RTKN2: variants seen among roughly 807,000 people sequenced by gnomAD.
RTKN2 encodes the protein rhotekin-2.
RTKN2 carries 69 observed loss-of-function variants against 71.5 expected under a neutral mutation model. That is an observed-to-expected ratio of 0.96 (90% CI 0.79 to 1.18). The LOEUF (loss-of-function observed/expected upper bound fraction) is 1.18, where lower values mean the gene tolerates loss of function less well. Ranked by LOEUF, RTKN2 falls within the 50% of genes most tolerant of loss-of-function variation. RTKN2 has a pLI of 0.00. For synonymous variants in RTKN2, 236 were observed against 236.5 expected (o/e 1.00, Z 0.02); for missense variants, 724 against 719.7 (o/e 1.01, Z -0.07).
At chr10:62,206,269 G>A (rs1841547315) in intron 9 of RTKN2, among the ~76,000 whole-genome samples, 1 of 152,058 alleles carries the variant, frequency 6.6e-6, no homozygotes, top group Admixed American at 6.6e-5. Context: ...TATTTTGGCT[G>A]GTAGTAATAA....
chr10:62,231,617 A>G (rs914161905), intron 6 of RTKN2, among the ~76,000 whole-genome samples: 2 of 152,164 alleles, frequency 1.3e-5, no homozygotes, highest in African/African-American at 4.8e-5. Flanking sequence ...CCAAAAGTTT[A>G]ATCAGCTACA....
At position 62,244,055 on chromosome 10, in the gene RTKN2, G is replaced by A. The variant is rs1045372667; in HGVS notation, c.316+1944C>T. Among the ~76,000 whole-genome samples, 4 of 152,302 alleles carry A rather than the reference G, an allele frequency of 2.6e-5. No homozygotes were observed. In the South Asian group the frequency reaches 6.2e-4, roughly 24 times the overall value. On this transcript the variant is annotated intron_variant, in intron 3 of 11. Coordinates refer to ENST00000373789, the MANE Select transcript of RTKN2 (RefSeq NM_145307.4). ...CATAAAGACCTGGCCAGGGAGTGAT[G>A]TAGCTGGAAACAGAAAACCCAGGTA...
At chr10:62,202,254 C>T (rs1339066974) in intron 10 of RTKN2, among the ~76,000 whole-genome samples, 9 of 152,134 alleles carry the variant, frequency 5.9e-5, no homozygotes, top group Non-Finnish European at 1.3e-4. Context: ...CTGGGCTAAA[C>T]AGATCTACTT....
chr10:62,202,171 G>A (rs1408242439), intron 10 of RTKN2, among the ~76,000 whole-genome samples: 1 of 151,998 alleles, frequency 6.6e-6, no homozygotes, highest in Non-Finnish European at 1.5e-5. Flanking sequence ...TTACATGACT[G>A]TTAACTCACA....
intron 3 of RTKN2, among the ~76,000 whole-genome samples, chr10:62,244,354 A>T (rs1842437999): frequency 6.6e-6 from 1 of 152,212 alleles, no homozygotes; most frequent in Non-Finnish European, 1.5e-5. Context: ...ATGCAGAAAT[A>T]AGTTCAATTT....
chr10:62,245,701 C>T (rs1842465424), intron 3 of RTKN2, among the ~76,000 whole-genome samples: 1 of 152,090 alleles, frequency 6.6e-6, no homozygotes, highest in Non-Finnish European at 1.5e-5. Context: ...TTGGGTTTGG[C>T]CTAGCTCAGT....
At chr10:62,243,186 A>G (rs1343251557) in intron 3 of RTKN2, among the ~76,000 whole-genome samples, 1 of 127,042 alleles carries the variant, frequency 7.9e-6, no homozygotes, top group Non-Finnish European at 1.6e-5. Flanking sequence ...TCCTGTGTCC[A>G]TGTGTTCTCA....
intron 10 of RTKN2, among the ~76,000 whole-genome samples, chr10:62,201,698 T>A (rs1031175979): frequency 3.9e-5 from 6 of 152,186 alleles, no homozygotes; most frequent in Admixed American, 6.5e-5. Flanking sequence ...TGAAAGCATT[T>A]CATTGTTAAA....
At position 62,262,641 on chromosome 10, in the gene RTKN2, T is replaced by C; in HGVS notation, c.241A>G (p.Asn81Asp). 1 of 1,605,670 alleles carries C rather than the reference T, an allele frequency of 6.2e-7. No homozygotes were observed. Among genetic ancestry groups the C allele is most frequent in the Non-Finnish European group, 8.5e-7 (1 of 1,175,054 alleles). Reference protein sequence around the residue: ...ELQKLEEQIANQTGRCDVKFE... With the variant: ...ELQKLEEQIADQTGRCDVKFE... Reference sequence around the variant, plus strand: ...GTTACTAACCATCTTCCAGTCTGATTTGCAATCTGTTCTTCTAATTTCTGT... The same window carrying C: ...GTTACTAACCATCTTCCAGTCTGATCTGCAATCTGTTCTTCTAATTTCTGT... The change falls in exon 2 of 12, where the codon AAT (asparagine) becomes GAT (aspartate). Residue 81 changes from asparagine (N) to aspartate (D), a missense_variant. Asn to Asp is a conservative substitution (Grantham distance 23, BLOSUM62 1). Coordinates refer to ENST00000373789, the MANE Select transcript of RTKN2 (RefSeq NM_145307.4).
At chr10:62,236,726 T>A (rs1409100303) in intron 5 of RTKN2, among the ~76,000 whole-genome samples, 1 of 151,708 alleles carries the variant, frequency 6.6e-6, no homozygotes, top group East Asian at 1.9e-4. Flanking sequence ...CCATCAATGG[T>A]AAAACAGATA....
chr10:62,197,540 G>A lies in RTKN2; in HGVS notation c.*368C>T. On this transcript the variant is annotated 3_prime_UTR_variant, in exon 12 of 12. Coordinates refer to ENST00000373789, the MANE Select transcript of RTKN2 (RefSeq NM_145307.4). ...TTAAAATTCTCACAATGAGAATATG[G>A]TTCATATTTAACACATTTTAAATTA... is the stretch of plus-strand genomic sequence containing the variant. The A allele has an allele frequency of 1.0e-6, 1 of 999,022 alleles. No homozygotes were observed. The highest frequency in any genetic ancestry group is 1.2e-6 in the Non-Finnish European group (1 of 837,736). The allele number at this position is 999,022 out of a possible 1,614,324, so 61.9% of individuals were successfully genotyped here.
intron 8 of RTKN2, among the ~76,000 whole-genome samples, 173 bp downstream of exon 8, chr10:62,218,022 T>C (rs1262001662): frequency 6.6e-6 from 1 of 152,082 alleles, no homozygotes; most frequent in East Asian, 1.9e-4. Flanking sequence ...CCCTACCTTG[T>C]CATTCTTTTC....
At chr10:62,213,378 A>T (rs1841701644) in intron 9 of RTKN2, among the ~76,000 whole-genome samples, 1 of 152,186 alleles carries the variant, frequency 6.6e-6, no homozygotes, top group African/African-American at 2.4e-5. Context: ...TGTCTGATCG[A>T]CCATAAAATA....
chr10:62,193,540 T>G lies in RTKN2; in HGVS notation c.*4368A>C. 1 of 981,882 alleles carries G rather than the reference T, an allele frequency of 1.0e-6. No individual in the cohort carries two copies. The highest frequency in any genetic ancestry group is 1.2e-6 in the Non-Finnish European group (1 of 826,662). 60.8% of individuals were successfully genotyped at this position (981,882 alleles called of 1,614,324 possible). The stretch of plus-strand genomic sequence containing the variant: ...TCTCTGTAAAGTATTTTTTTAATTT[T>G]AAATATTTCTGATCACACTACAGAT... On this transcript the variant is annotated 3_prime_UTR_variant, in exon 12 of 12. Transcript: ENST00000373789.
Position 62,194,413 on chromosome 10 carries a change from G to A in RTKN2, c.*3495C>T. The A allele has an allele frequency of 5.1e-6, 5 of 979,658 alleles. No individual in the cohort carries two copies. Among genetic ancestry groups the A allele is most frequent in the Non-Finnish European group, 6.1e-6 (5 of 824,682 alleles). The allele number at this position is 979,658 out of a possible 1,614,324, so 60.7% of individuals were successfully genotyped here. ...ATGTCAACTTTACATTATAATTTAA[G>A]ACTAACAGTGAAGATGGCTACTAGA... On this transcript the variant is annotated 3_prime_UTR_variant, in exon 12 of 12. Coordinates refer to ENST00000373789, the MANE Select transcript of RTKN2 (RefSeq NM_145307.4).
chr10:62,186,758 T>C (rs1841142821), intron 8 of RTKN2, among the ~76,000 whole-genome samples: 1 of 152,082 alleles, frequency 6.6e-6, no homozygotes, highest in South Asian at 2.1e-4. Context: ...ATTTTTTTTT[T>C]CTGACACTGG....
In RTKN2 at chr10:62,239,634, T is replaced by C. The variant is rs1225986560; in HGVS notation, c.488+14A>G. On this transcript the variant is annotated intron_variant, in intron 5 of 11. Coordinates refer to ENST00000373789, the MANE Select transcript of RTKN2 (RefSeq NM_145307.4). Reference sequence around the variant, plus strand: ...TAAATTATTTTTATTCTCTGAAGATTAAAAAATACTTACAATATGGTTACA... The same window carrying C: ...TAAATTATTTTTATTCTCTGAAGATCAAAAAATACTTACAATATGGTTACA... The C allele has an allele frequency of 8.8e-7, 1 of 1,141,292 alleles. No homozygotes were observed. Among genetic ancestry groups the C allele is most frequent in the Non-Finnish European group, 1.2e-6 (1 of 802,560 alleles). 70.7% of individuals were successfully genotyped at this position (1,141,292 alleles called of 1,614,324 possible).
At chr10:62,188,209 A>G (rs10995078), downstream of RTKN2, among the ~76,000 whole-genome samples, 3,797 of 152,314 alleles carry the variant, frequency 0.025, 59 homozygotes, top group East Asian at 0.083. Flanking sequence ...GGTCGCAGTC[A>G]TGCCTAGACT....
At position 62,262,806 on chromosome 10, in the gene RTKN2, C is replaced by A. The variant is rs746720410; in HGVS notation, c.76G>T (p.Glu26Ter). 4 of 1,606,068 alleles carry A rather than the reference C, an allele frequency of 2.5e-6. No homozygotes were observed. Among genetic ancestry groups the A allele is most frequent in the Non-Finnish European group, 3.4e-6 (4 of 1,176,640 alleles). Residue 26 changes from glutamate to a stop codon, truncating the protein, a stop_gained, in exon 2 of 12, where the codon GAA becomes TAA. Transcript: ENST00000373789. LOFTEE classifies it high-confidence loss of function. ...LPTQQDCNIQ[E>*]KIDLEIRMRE... is the part of the protein sequence containing the mutation. ...ATTCGAATTTCTAAGTCTATTTTTT[C>A]TTGAATGTTGCAGTCCTAAAAAAAA...
Sources: gnomAD v4.1 joint callset for allele counts (sites outside exome capture counted in the v4.1 genomes callset) on GRCh38, gnomAD v4.1.1 for gene constraint, MANE v1.5 for transcripts, NCBI Gene and HGNC (gene_info 2026-07-23, HGNC 2026-07-21) for gene names.